KITLG: variants seen among roughly 807,000 people sequenced by gnomAD.
The protein encoded by KITLG is c-Kit ligand.
KITLG carries 13 observed loss-of-function variants against 34.1 expected under a neutral mutation model. That is an observed-to-expected ratio of 0.38 (90% CI 0.25 to 0.61). The LOEUF (loss-of-function observed/expected upper bound fraction) is 0.61, where lower values mean the gene tolerates loss of function less well. Among genes scored for constraint, KITLG ranks in the 20% least tolerant of loss-of-function variants. The pLI is 0.60. For synonymous variants in KITLG, 110 were observed against 104.0 expected, an observed-to-expected ratio of 1.06 and a Z score of -0.35; for missense variants, 292 against 318.9, an observed-to-expected ratio of 0.92 and a Z score of 0.64.
chr12:88,530,232 G>T (rs987539613), intron 3 of KITLG, among the ~76,000 whole-genome samples: 2 of 152,120 alleles, frequency 1.3e-5, no homozygotes, highest in Non-Finnish European at 2.9e-5. Flanking sequence ...TTCCCTAAGT[G>T]TTGTAATTAT....
rs1023007051 is a variant in KITLG, at chr12:88,580,441, T to C, written c.-163A>G. 3.5e-6 allele frequency: 3 copies of C among 864,106 alleles called. No homozygotes were observed. The highest frequency in any genetic ancestry group is 5.5e-6 in the Non-Finnish European group (3 of 545,436). 53.5% of individuals were successfully genotyped at this position (864,106 alleles called of 1,614,324 possible). A position where few individuals can be genotyped will look rare whatever the true frequency, so the allele number is the denominator to read the frequency against. ...CACTGTCCCTGCTTCCCGCAGCGCT[T>C]CTAGTCTCGGCGCGAGGCGGCGAGC... On this transcript the variant is annotated 5_prime_UTR_variant, in exon 1 of 10. Transcript: ENST00000644744.
chr12:88,538,913 A>G (rs1253869331), intron 2 of KITLG, among the ~76,000 whole-genome samples: 1 of 152,154 alleles, frequency 6.6e-6, no homozygotes, highest in South Asian at 2.1e-4. Context: ...TAACTGTGCT[A>G]GGTGGGAACC....
chr12:88,502,493 A>G (rs750613254), intron 9 of KITLG, among the ~76,000 whole-genome samples: 37 of 152,192 alleles, frequency 2.4e-4, no homozygotes. Context: ...CTCTCATTCA[A>G]CAAACATTTA....
At chr12:88,551,082 ATC>A (rs1049701404) in intron 1 of KITLG, among the ~76,000 whole-genome samples, 5 of 152,338 alleles carry the variant, frequency 3.3e-5, no homozygotes, top group Admixed American at 2.0e-4. Flanking sequence ...ACATTCAAAT[ATC>A]TCTGAAAAAC....
At chr12:88,520,645 G>A (rs1869623264) in intron 3 of KITLG, among the ~76,000 whole-genome samples, 1 of 152,058 alleles carries the variant, frequency 6.6e-6, no homozygotes, top group South Asian at 2.1e-4. Flanking sequence ...TTCTGTGGTA[G>A]TTGTCTTATA....
rs534189293 is a variant in KITLG, at chr12:88,537,369, C to A, written c.130-4866G>T. Among the ~76,000 whole-genome samples, 12 of 152,040 alleles carry A rather than the reference C, an allele frequency of 7.9e-5. No individual in the cohort carries two copies. In the East Asian group the frequency reaches 2.3e-3, roughly 30 times the overall value. ...GAGGCCATCATTGTCAGTGAATTAA[C>A]ACAGGAACAGAAAACCAAATATTGC... On this transcript the variant is annotated intron_variant, in intron 2 of 9. Coordinates refer to ENST00000644744, the MANE Select transcript of KITLG (RefSeq NM_000899.5).
intron 6 of KITLG, among the ~76,000 whole-genome samples, chr12:88,509,627 G>A (rs1167869566): frequency 6.6e-6 from 1 of 152,136 alleles, no homozygotes; most frequent in Non-Finnish European, 1.5e-5. Context: ...CTGGATGGCG[G>A]GGCGGCAGTG....
At chr12:88,524,191 T>A in intron 3 of KITLG, among the ~76,000 whole-genome samples, 1 of 152,320 alleles carries the variant, frequency 6.6e-6, no homozygotes. Context: ...CCACTATCCA[T>A]CTGCAGCTCC....
At chr12:88,508,924 T>C (rs576211275) in intron 6 of KITLG, among the ~76,000 whole-genome samples, 1 of 152,190 alleles carries the variant, frequency 6.6e-6, no homozygotes, top group Non-Finnish European at 1.5e-5. Context: ...GCTCTCTATA[T>C]GAAATGGATT....
Position 88,505,173 on chromosome 12 carries a change from AAC to A in KITLG, c.*21_*22del. 6.3e-7 allele frequency: 1 copy of A among 1,576,634 alleles called. No homozygotes were observed. On this transcript the variant is annotated 3_prime_UTR_variant, in exon 9 of 10. Coordinates refer to ENST00000644744, the MANE Select transcript of KITLG (RefSeq NM_000899.5). ...AAAAAACTTACCAATGTACGAAAGT[AAC>A]AGTGTTGATACAAGCCACAATTACA... is the stretch of plus-strand genomic sequence containing the variant.
rs1868520150 is a variant in KITLG at position 88,494,142 on chromosome 12, C to A, written c.*3077G>T. On this transcript the variant is annotated 3_prime_UTR_variant, in exon 10 of 10. Transcript: ENST00000644744. ...AGACCCAAAGAAGAGAGGTGATTTA[C>A]CATATCAGTTAATGACAGACTGGAG... is the stretch of plus-strand genomic sequence containing the variant. 6.6e-6 allele frequency: 1 copy of A among 151,756 alleles called. No individual in the cohort carries two copies. The highest frequency in any genetic ancestry group is 2.4e-5 in the African/African-American group (1 of 41,376). 9.4% of individuals were successfully genotyped at this position (151,756 alleles called of 1,614,324 possible).
chr12:88,568,495 T>C (rs1048945510), intron 1 of KITLG, among the ~76,000 whole-genome samples: 1 of 152,016 alleles, frequency 6.6e-6, no homozygotes, highest in Admixed American at 6.6e-5. Context: ...CTTCCAACTA[T>C]GTACTATTAC....
At chr12:88,576,006 G>A (rs1394557815) in intron 1 of KITLG, among the ~76,000 whole-genome samples, 1 of 152,072 alleles carries the variant, frequency 6.6e-6, no homozygotes, top group Non-Finnish European at 1.5e-5. Flanking sequence ...AAAAGCAAGT[G>A]CGAGAACATT....
chr12:88,576,466 T>C (rs1229798088), intron 1 of KITLG, among the ~76,000 whole-genome samples: 1 of 152,156 alleles, frequency 6.6e-6, no homozygotes, highest in Non-Finnish European at 1.5e-5. Context: ...GAACAATAAA[T>C]TCAAACTGTA....
At chr12:88,547,444 T>C (rs1870756759) in intron 1 of KITLG, among the ~76,000 whole-genome samples, 3 of 152,238 alleles carry the variant, frequency 2.0e-5, no homozygotes, top group Admixed American at 1.3e-4. Context: ...ACACTCTTCA[T>C]AGTATCATCT....
chr12:88,579,292 A>C (rs1871932084), intron 1 of KITLG, among the ~76,000 whole-genome samples: 1 of 152,156 alleles, frequency 6.6e-6, no homozygotes, highest in Admixed American at 6.5e-5. Flanking sequence ...AATCTCCAAC[A>C]GAACCTCTGG....
At chr12:88,528,664 T>C (rs1003666059) in intron 3 of KITLG, among the ~76,000 whole-genome samples, 22 of 152,152 alleles carry the variant, frequency 1.4e-4, no homozygotes, top group Admixed American at 6.5e-5. Flanking sequence ...TAAATGGCCA[T>C]GTATGCATCA....
At chr12:88,558,667 G>A (rs1422823589) in intron 1 of KITLG, among the ~76,000 whole-genome samples, 1 of 152,118 alleles carries the variant, frequency 6.6e-6, no homozygotes, top group Non-Finnish European at 1.5e-5. Context: ...GTAATCATCT[G>A]GGGTGTTTAA....
rs754281119 is a variant in KITLG at position 88,518,837 on chromosome 12, C to T, written c.223G>A (p.Val75Ile). Residue 75 changes from valine to isoleucine, a missense_variant, in exon 4 of 10, where the codon GTA (valine) becomes ATA (isoleucine). Physicochemically the swap from Val to Ile is conservative, Grantham distance 29 (BLOSUM62 3). Around this residue, in one of 2 missense-constraint regions of KITLG, gnomAD observed 152 missense variants for 207.9 expected, o/e 0.73. Coordinates refer to ENST00000644744, the MANE Select transcript of KITLG (RefSeq NM_000899.5). ...PSHCWISEMV[V>I]QLSDSLTDLL... Reference sequence around the variant, plus strand: ...TCAGTCAAGCTGTCTGACAATTGTACTACCATCTCGCTTATCCAACAATGA... The same window carrying T: ...TCAGTCAAGCTGTCTGACAATTGTATTACCATCTCGCTTATCCAACAATGA... 11 of 1,613,538 alleles carry T rather than the reference C, an allele frequency of 6.8e-6. No homozygotes were observed. In the East Asian group the frequency reaches 2.0e-4, roughly 29 times the overall value.
Sources: allele counts gnomAD v4.1 joint callset (sites outside exome capture counted in the v4.1 genomes callset), GRCh38; gene constraint gnomAD v4.1.1; regional missense constraint gnomAD v4.1.1; transcripts MANE v1.5; gene names NCBI Gene and HGNC (gene_info 2026-07-23, HGNC 2026-07-21).